PTPRU: variants seen among roughly 807,000 people sequenced by gnomAD.
PTPRU encodes the protein receptor-type tyrosine-protein phosphatase U.
In PTPRU, 69 loss-of-function variants were observed where a neutral mutation model predicts 166.3. That is an observed-to-expected ratio of 0.41 (90% CI 0.34 to 0.51). The LOEUF (loss-of-function observed/expected upper bound fraction) is 0.51, where lower values mean the gene tolerates loss of function less well. Among genes scored for constraint, PTPRU ranks in the 20% least tolerant of loss-of-function variants. The probability of loss-of-function intolerance (pLI) is 0.09; values close to 1 mark genes in which losing one functional copy is unlikely to be tolerated. For missense variants in PTPRU, 1,657 were observed against 2,013.7 expected, an observed-to-expected ratio of 0.82 and a Z score of 3.39; for synonymous variants, 793 against 814.0, an observed-to-expected ratio of 0.97 and a Z score of 0.44.
chr1:29,247,733 C>CAATA (rs1684363869), intron 1 of PTPRU, among the ~76,000 whole-genome samples: 1 of 152,222 alleles, frequency 6.6e-6, no homozygotes, highest in African/African-American at 2.4e-5. Context: ...ACTGCTAACT[C>CAATA]TGGGATTTGC....
chr1:29,295,820 G>T (rs9426410), intron 15 of PTPRU, among the ~76,000 whole-genome samples: 107 of 152,102 alleles, frequency 7.0e-4, no homozygotes, highest in African/African-American at 2.3e-3. Context: ...CCAAGTAGCT[G>T]GGACTACAGA....
At chr1:29,265,431 C>G (rs148333596) in intron 7 of PTPRU, among the ~76,000 whole-genome samples, 13 of 152,114 alleles carry the variant, frequency 8.5e-5, no homozygotes, top group Admixed American at 5.9e-4. Flanking sequence ...AGCATGATCT[C>G]AGCTCACTGC....
At chr1:29,272,921 A>AAG (rs1553121320) in intron 7 of PTPRU, among the ~76,000 whole-genome samples, 2 of 148,258 alleles carry the variant, frequency 1.3e-5, no homozygotes, top group East Asian at 3.9e-4. Context: ...AAAAAAAAAA[A>AAG]AAAAAAGAAA....
At chr1:29,242,619 A>G (rs1200819629) in intron 1 of PTPRU, among the ~76,000 whole-genome samples, 1 of 152,178 alleles carries the variant, frequency 6.6e-6, no homozygotes, top group Non-Finnish European at 1.5e-5. Flanking sequence ...AGTGGCTCTC[A>G]TTGTACTGGT....
In PTPRU at chr1:29,259,990, TCC is replaced by T; in HGVS notation, c.798_799del (p.Gln267GlyfsTer9). On this transcript the variant is annotated frameshift_variant, in exon 6 of 30. Transcript: ENST00000373779. LOFTEE classifies it high-confidence loss of function. Reference protein sequence around the residue: ...RAEQDLYRCVSQAPRGAGVSN... With the variant: ...RAEQDLYRCVXQAPRGAGVSN... ...CGAGCAGGACCTGTACCGCTGTGTGTCCCAGGCCCCGCGCGGCGCGGGCGTCT... is the reference window on the plus strand; with the variant it reads ...CGAGCAGGACCTGTACCGCTGTGTGTCAGGCCCCGCGCGGCGCGGGCGTCT... The T allele has an allele frequency of 6.6e-7, 1 of 1,516,972 alleles. No individual in the cohort carries two copies. The highest frequency in any genetic ancestry group is 8.8e-7 in the Non-Finnish European group (1 of 1,140,960). 94.0% of individuals were successfully genotyped at this position (1,516,972 alleles called of 1,614,324 possible).
In PTPRU at chr1:29,259,982, G is replaced by T. The variant is rs1290127372; in HGVS notation, c.788G>T (p.Arg263Leu). The T allele has an allele frequency of 6.4e-7, 1 of 1,556,682 alleles. No individual in the cohort carries two copies. The highest frequency in any genetic ancestry group is 1.4e-5 in the African/African-American group (1 of 72,946). ...AVSRAEQDLY[R>L]CVSQAPRGAG... ...AGCCGCGCCGAGCAGGACCTGTACC[G>T]CTGTGTGTCCCAGGCCCCGCGCGGC... The change falls in exon 6 of 30, where the codon CGC (arginine) becomes CTC (leucine). Residue 263 changes from arginine to leucine, a missense_variant. Arg to Leu is a moderately radical substitution (Grantham distance 102). Coordinates refer to ENST00000373779, the MANE Select transcript of PTPRU (RefSeq NM_133178.4).
intron 15 of PTPRU, among the ~76,000 whole-genome samples, chr1:29,295,697 T>G (rs757233531): frequency 1.3e-5 from 2 of 152,144 alleles, no homozygotes; most frequent in African/African-American, 2.4e-5. Flanking sequence ...TACTTCTTTT[T>G]TTTTTGTGAG....
At position 29,320,889 on chromosome 1, in the gene PTPRU, C is replaced by T. The variant is rs1287076902; in HGVS notation, c.3828+64C>T. 1.4e-6 allele frequency: 2 copies of T among 1,429,914 alleles called. No homozygotes were observed. The highest frequency in any genetic ancestry group is 1.9e-6 in the Non-Finnish European group (2 of 1,079,822). 88.6% of individuals were successfully genotyped at this position (1,429,914 alleles called of 1,614,324 possible). A position where few individuals can be genotyped will look rare whatever the true frequency, so the allele number is the denominator to read the frequency against. ...CCCAGGTCCTCTGTGTATTCAGGGC[C>T]ATGGTCCCCAAAGCCAAAAGTTGGG... On this transcript the variant is annotated intron_variant, in intron 26 of 29. Coordinates refer to ENST00000373779, the MANE Select transcript of PTPRU (RefSeq NM_133178.4). This position sits in a 1 kb window ranked among gnomAD's most constrained non-coding sequence, Gnocchi z 5.2.
rs566929108 is a variant in PTPRU at position 29,304,376 on chromosome 1, CCTGA to C, written c.2667+335_2667+338del. Among the ~76,000 whole-genome samples the C allele has an allele frequency of 6.6e-4, 100 of 152,270 alleles. 1 individual carries two copies. The highest frequency in any genetic ancestry group is 2.3e-3 in the African/African-American group (96 of 41,552). On this transcript the variant is annotated intron_variant, in intron 16 of 29. Coordinates refer to ENST00000373779, the MANE Select transcript of PTPRU (RefSeq NM_133178.4). ...GACCTAATCCCAGCCTGACATTGAT[CCTGA>C]CTGTCATCCTAAGCTCCATTTGAAC...
At chr1:29,325,355 C>T (rs1688361589) in intron 29 of PTPRU, 29 bp downstream of exon 29, 1 of 1,611,738 alleles carries the variant, frequency 6.2e-7, no homozygotes, top group East Asian at 2.2e-5. Context: ...TGCCCAGCCA[C>T]TTCCACCTTC....
rs1683811746 is a variant in PTPRU at position 29,237,266 on chromosome 1, A to C, written c.73+549A>C. 6.6e-6 allele frequency among the ~76,000 whole-genome samples: 1 copy of C among 150,680 alleles called. No individual in the cohort carries two copies. The highest frequency in any genetic ancestry group is 1.5e-5 in the Non-Finnish European group (1 of 67,694). ...TTTTGAGATCCGTGTACATGTGTGA[A>C]GGCGTGGGAACGGGTCCGGAACGTG... On this transcript the variant is annotated intron_variant, in intron 1 of 29. Coordinates refer to ENST00000373779, the MANE Select transcript of PTPRU (RefSeq NM_133178.4). The surrounding 1 kb of genome is among the most constrained non-coding windows in gnomAD (Gnocchi z 6.4).
At position 29,277,803 on chromosome 1, in the gene PTPRU, C is replaced by CTTTTTTTTTTTTTTTTTTTTT. The variant is rs71586898; in HGVS notation, c.1454-1196_1454-1176dup. On this transcript the variant is annotated intron_variant, in intron 8 of 29. Transcript: ENST00000373779. ...ACCATCTGGCTTCACAGTTGTCATT[C>CTTTTTTTTTTTTTTTTTTTTT]TTTTTTTTTTTTTTTTTTTTTTTTT... Among the ~76,000 whole-genome samples, 17 of 50,590 alleles carry CTTTTTTTTTTTTTTTTTTTTT rather than the reference C, an allele frequency of 3.4e-4. 3 individuals carry two copies. The highest frequency in any genetic ancestry group is 4.0e-4 in the Non-Finnish European group (12 of 30,356). The allele number at this position is 50,590 out of a possible 152,430, so 33.2% of individuals were successfully genotyped here.
Position 29,316,089 on chromosome 1 carries a change from T to C in PTPRU, c.3451T>C (p.Tyr1151His). ...TIPVSEFKAT[Y>H]KEMIRIDPQS... ...CCCTGTCAGTGAGTTCAAGGCCACC[T>C]ACAAGGAGATGATCCGCATTGATCC... The change falls in exon 24 of 30, where the codon TAC (tyrosine) becomes CAC (histidine). Residue 1151 changes from tyrosine to histidine, a missense_variant. By Grantham distance (83) the Tyr-to-His change is moderately conservative. This residue lies in a region of PTPRU where 1,190 missense variants were observed against 1,477.4 expected (regional missense o/e 0.81). Transcript: ENST00000373779. 1 of 1,614,172 alleles carries C rather than the reference T, an allele frequency of 6.2e-7. No individual in the cohort carries two copies.
In PTPRU at chr1:29,306,970, C is replaced by T. The variant is rs370613743; in HGVS notation, c.2820+1542C>T. 6.5e-4 allele frequency among the ~76,000 whole-genome samples: 93 copies of T among 143,598 alleles called. 2 individuals carry two copies. The highest frequency in any genetic ancestry group is 2.1e-3 in the African/African-American group (83 of 40,350). The allele number at this position is 143,598 out of a possible 152,430, so 94.2% of individuals were successfully genotyped here. A position where few individuals can be genotyped will look rare whatever the true frequency, so the allele number is the denominator to read the frequency against. Reference sequence around the variant, plus strand: ...CCTGGCAGGGACATGCCACTCCCCACTCTGTGGCTCAGCCCAGCCCGGCCT... The same window carrying T: ...CCTGGCAGGGACATGCCACTCCCCATTCTGTGGCTCAGCCCAGCCCGGCCT... On this transcript the variant is annotated intron_variant, in intron 18 of 29. Coordinates refer to ENST00000373779, the MANE Select transcript of PTPRU (RefSeq NM_133178.4).
At chr1:29,305,521 G>C in intron 18 of PTPRU, 93 bp downstream of exon 18, 4 of 1,287,400 alleles carry the variant, frequency 3.1e-6, no homozygotes, top group Non-Finnish European at 4.5e-6. Flanking sequence ...GGATAAATGG[G>C]GGTTCAAATG....
intron 28 of PTPRU, 104 bp downstream of exon 28, chr1:29,323,892 C>A (rs1574738459): frequency 7.3e-7 from 1 of 1,368,120 alleles, no homozygotes; most frequent in South Asian, 1.5e-5. Context: ...AAAGCTGGCA[C>A]CGAAACCCCT....
intron 7 of PTPRU, among the ~76,000 whole-genome samples, chr1:29,262,104 C>T (rs1685091200): frequency 6.6e-6 from 1 of 152,166 alleles, no homozygotes; most frequent in South Asian, 2.1e-4. Context: ...TTTGTGTATT[C>T]ACCACTACAG....
intron 7 of PTPRU, among the ~76,000 whole-genome samples, chr1:29,266,720 A>G (rs1349296524): frequency 1.3e-5 from 2 of 152,158 alleles, no homozygotes; most frequent in Non-Finnish European, 2.9e-5. Context: ...GCGAGGTGCT[A>G]TTGTGGTTGG....
intron 22 of PTPRU, among the ~76,000 whole-genome samples, chr1:29,314,799 G>A (rs1190663495): frequency 6.6e-5 from 10 of 151,976 alleles, no homozygotes; most frequent in African/African-American, 2.4e-4. Context: ...GGCTGGTCTC[G>A]AACTCCTGAC....
Sources: allele counts gnomAD v4.1 joint callset (sites outside exome capture counted in the v4.1 genomes callset), GRCh38; gene constraint gnomAD v4.1.1; regional missense constraint gnomAD v4.1.1; non-coding constraint Gnocchi (gnomAD v3.1); transcripts MANE v1.5; gene names NCBI Gene and HGNC (gene_info 2026-07-23, HGNC 2026-07-21).